The following LRRC4C variants were observed in gnomAD, a reference collection of about 807,000 sequenced individuals.
The protein encoded by LRRC4C is leucine rich repeat containing 4C.
A neutral mutation model predicts 33.6 loss-of-function variants in LRRC4C; 5 were observed. The ratio of observed to expected loss-of-function variants is 0.15; its 90% CI spans 0.08 to 0.31. LRRC4C has a LOEUF of 0.31. Among genes scored for constraint, LRRC4C ranks in the 10% least tolerant of loss-of-function variants. LRRC4C has a pLI of 1.00. For synonymous variants in LRRC4C, 329 were observed against 302.0 expected (o/e 1.09, Z -0.93); for missense variants, 560 against 796.7 (o/e 0.70, Z 3.58).
chr11:40,553,942 T>TA (rs1242196374), intron 3 of LRRC4C, among the ~76,000 whole-genome samples: 1 of 152,192 alleles, frequency 6.6e-6, no homozygotes, highest in African/African-American at 2.4e-5. Context: ...AGAAGCTCTT[T>TA]AGTTTAATTA....
At chr11:41,303,155 C>A (rs1950335975) in intron 1 of LRRC4C, among the ~76,000 whole-genome samples, 1 of 145,038 alleles carries the variant, frequency 6.9e-6, no homozygotes, top group African/African-American at 2.5e-5. Flanking sequence ...GGAGCCGAAG[C>A]TGGACTGTAC....
At position 41,383,279 on chromosome 11, in the gene LRRC4C, A is replaced by C. The variant is rs566546075; in HGVS notation, c.-496+76152T>G. 3.0e-4 allele frequency among the ~76,000 whole-genome samples: 45 copies of C among 152,150 alleles called. No homozygotes were observed. In the South Asian group the frequency reaches 9.1e-3, roughly 31 times the overall value. On this transcript the variant is annotated intron_variant, in intron 1 of 6. Transcript: ENST00000528697. The stretch of plus-strand genomic sequence containing the variant: ...GTGAAAGTGTAGTTTTTCTTGTATG[A>C]ATTTAGGAATTTGCCATGACAGCTG...
intron 1 of LRRC4C, among the ~76,000 whole-genome samples, chr11:41,128,081 T>C (rs1265836643): frequency 6.6e-6 from 1 of 152,110 alleles, no homozygotes; most frequent in Non-Finnish European, 1.5e-5. Context: ...CATCACTGTT[T>C]ATTATGATAG....
In LRRC4C at chr11:41,309,656, A is replaced by G. The variant is rs75248609; in HGVS notation, c.-496+149775T>C. On this transcript the variant is annotated intron_variant, in intron 1 of 6. Coordinates refer to ENST00000528697, the MANE Select transcript of LRRC4C (RefSeq NM_001258419.2). ...ATTGAAATATATAGAAATTATAAAT[A>G]AAGACCAATATGTTAACTCCCCATT... Among the ~76,000 whole-genome samples the G allele has an allele frequency of 2.4e-3, 370 of 152,334 alleles. 2 individuals are homozygous for G. Among genetic ancestry groups the G allele is most frequent in the African/African-American group, 8.6e-3 (356 of 41,570 alleles).
intron 1 of LRRC4C, among the ~76,000 whole-genome samples, chr11:41,284,989 G>A (rs1292717111): frequency 6.6e-6 from 1 of 152,166 alleles, no homozygotes; most frequent in Non-Finnish European, 1.5e-5. Flanking sequence ...CATCTAATTG[G>A]TGAAGTAAAT....
chr11:40,478,301 G>A (rs1953352583), intron 3 of LRRC4C, among the ~76,000 whole-genome samples: 2 of 152,240 alleles, frequency 1.3e-5, no homozygotes, highest in African/African-American at 2.4e-5. Context: ...AATTCTCTGA[G>A]AACAAGCTTT....
At chr11:40,714,004 C>T (rs1182365587) in intron 2 of LRRC4C, among the ~76,000 whole-genome samples, 1 of 152,162 alleles carries the variant, frequency 6.6e-6, no homozygotes, top group Non-Finnish European at 1.5e-5. Flanking sequence ...ACCTTGCTCT[C>T]TCAGAATAAT....
intron 4 of LRRC4C, among the ~76,000 whole-genome samples, chr11:40,256,754 T>C (rs1867239009): frequency 6.6e-6 from 1 of 152,200 alleles, no homozygotes; most frequent in Admixed American, 6.5e-5. Flanking sequence ...ATCTTTCTTA[T>C]CTTTACAGCC....
chr11:40,128,155 G>A (rs1199660104), intron 6 of LRRC4C, among the ~76,000 whole-genome samples: 2 of 152,154 alleles, frequency 1.3e-5, no homozygotes, highest in Admixed American at 1.3e-4. Flanking sequence ...AAGTAGGAAT[G>A]ATGATAACAA....
intron 2 of LRRC4C, among the ~76,000 whole-genome samples, chr11:40,719,946 AT>A (rs924125213): frequency 6.0e-4 from 87 of 144,492 alleles, no homozygotes; most frequent in Admixed American, 2.8e-3. Flanking sequence ...TAAAAAAAAA[AT>A]TTTAATTTGA....
chr11:41,137,135 C>A (rs1943299128), intron 1 of LRRC4C, among the ~76,000 whole-genome samples: 1 of 151,982 alleles, frequency 6.6e-6, no homozygotes, highest in Admixed American at 6.5e-5. Flanking sequence ...GTAGTCCCAG[C>A]TACTTGGGAC....
chr11:40,893,919 C>T (rs1424257657), intron 2 of LRRC4C, among the ~76,000 whole-genome samples: 3 of 152,034 alleles, frequency 2.0e-5, no homozygotes, highest in Non-Finnish European at 4.4e-5. Context: ...CTGAGCTGCT[C>T]TGCTTCTTGA....
intron 1 of LRRC4C, among the ~76,000 whole-genome samples, chr11:41,338,801 A>T (rs1036839647): frequency 2.0e-5 from 3 of 152,172 alleles, no homozygotes; most frequent in African/African-American, 7.2e-5. Context: ...TGTTTGTAGT[A>T]AGATGGATGA....
At chr11:41,013,751 G>A (rs1173534709) in intron 1 of LRRC4C, among the ~76,000 whole-genome samples, 1 of 152,172 alleles carries the variant, frequency 6.6e-6, no homozygotes, top group African/African-American at 2.4e-5. Context: ...AAATACCTGA[G>A]ACTGGGTGAT....
At chr11:41,352,956 CAAAG>C (rs1952032800) in intron 1 of LRRC4C, among the ~76,000 whole-genome samples, 1 of 151,910 alleles carries the variant, frequency 6.6e-6, no homozygotes, top group Non-Finnish European at 1.5e-5. Flanking sequence ...CATTACACCT[CAAAG>C]AACGAGAAAA....
intron 1 of LRRC4C, among the ~76,000 whole-genome samples, chr11:41,087,577 C>T (rs1464455152): frequency 1.3e-5 from 2 of 152,068 alleles, no homozygotes; most frequent in Non-Finnish European, 2.9e-5. Flanking sequence ...AATAATCCCA[C>T]CTCAGCCTCC....
chr11:40,708,128 T>C (rs1472585677), intron 2 of LRRC4C, among the ~76,000 whole-genome samples: 7 of 152,182 alleles, frequency 4.6e-5, no homozygotes, highest in African/African-American at 1.2e-4. Flanking sequence ...TTGCTAGAGG[T>C]CTATCAATTT....
chr11:40,924,122 G>GTGTGTATA (rs370589025), intron 2 of LRRC4C, among the ~76,000 whole-genome samples: 9 of 145,322 alleles, frequency 6.2e-5, no homozygotes, highest in Admixed American at 2.1e-4. Flanking sequence ...GTGTGTGTGT[G>GTGTGTATA]TATATATATA....
At chr11:41,223,090 T>C (rs1419720731) in intron 1 of LRRC4C, 2 of 152,176 alleles carry the variant, frequency 1.3e-5, no homozygotes, top group Non-Finnish European at 2.9e-5. Context: ...ACGCTAGCTA[T>C]GATTACAATT....
Sources: gnomAD v4.1 joint callset for allele counts (sites outside exome capture counted in the v4.1 genomes callset) on GRCh38, gnomAD v4.1.1 for gene constraint, MANE v1.5 for transcripts, NCBI Gene and HGNC (gene_info 2026-07-23, HGNC 2026-07-21) for gene names.